The following RASSF3 variants were observed in gnomAD, a reference collection of about 807,000 sequenced individuals.
RASSF3 encodes the protein ras association domain-containing protein 3.
RASSF3 carries 19 observed loss-of-function variants against 19.9 expected under a neutral mutation model. That is an observed-to-expected ratio of 0.96 (90% CI 0.67 to 1.40). The LOEUF (loss-of-function observed/expected upper bound fraction) is 1.40, where lower values mean the gene tolerates loss of function less well. Ranked by LOEUF, RASSF3 falls within the 40% of genes most tolerant of loss-of-function variation. RASSF3 has a pLI of 0.00. For synonymous variants in RASSF3, 110 were observed against 104.2 expected (o/e 1.06, Z -0.34); for missense variants, 306 against 289.8 (o/e 1.06, Z -0.41).
chr12:64,534,784 T>C (rs1211181180), intron 1 of RASSF3, among the ~76,000 whole-genome samples: 1 of 152,188 alleles, frequency 6.6e-6, no homozygotes, highest in Non-Finnish European at 1.5e-5. Flanking sequence ...TGCTTGTTTG[T>C]GGATAGCGAG....
intron 2 of RASSF3, among the ~76,000 whole-genome samples, chr12:64,559,238 C>CTTTCTTTCT (rs1565839002): frequency 2.0e-5 from 3 of 147,714 alleles, no homozygotes; most frequent in Non-Finnish European, 3.0e-5. Flanking sequence ...TTCTTTTCTT[C>CTTTCTTTCT]TTTTTTTCTT....
intron 1 of RASSF3, among the ~76,000 whole-genome samples, chr12:64,518,129 T>C (rs768218118): frequency 3.3e-5 from 5 of 152,144 alleles, no homozygotes; most frequent in Non-Finnish European, 4.4e-5. Flanking sequence ...AGATAAAAAA[T>C]TAATCATTCA....
At chr12:64,560,172 C>T (rs1271291065) in intron 2 of RASSF3, among the ~76,000 whole-genome samples, 2 of 152,236 alleles carry the variant, frequency 1.3e-5, no homozygotes, top group Non-Finnish European at 2.9e-5. Context: ...CAGATGCCCC[C>T]ATCCCATGTT....
At chr12:64,518,347 A>G (rs1868403593) in intron 1 of RASSF3, among the ~76,000 whole-genome samples, 1 of 152,204 alleles carries the variant, frequency 6.6e-6, no homozygotes. Flanking sequence ...TGCAGACTGT[A>G]TAGGAAGCAT....
downstream of RASSF3, among the ~76,000 whole-genome samples, chr12:64,542,647 T>C (rs1008459275): frequency 3.9e-5 from 6 of 152,184 alleles, no homozygotes; most frequent in African/African-American, 1.4e-4. Flanking sequence ...CCCAACACTT[T>C]GGGAGGCCGA....
chr12:64,654,651 GGGGGGT>G (rs1383070810), intron 1 of RASSF3: 5 of 54,264 alleles, frequency 9.2e-5, no homozygotes, highest in African/African-American at 4.2e-4. Flanking sequence ...TGCGGGGGGG[GGGGGGT>G]GGGGGGAAGC....
chr12:64,618,296 T>C (rs12315116), intron 1 of RASSF3, among the ~76,000 whole-genome samples: 10,236 of 152,144 alleles, frequency 0.067, 973 homozygotes, highest in African/African-American at 0.21. Context: ...TGGCTATCAG[T>C]AGTGTTGTCA....
intron 1 of RASSF3, among the ~76,000 whole-genome samples, chr12:64,676,605 A>G (rs1488708164): frequency 1.1e-4 from 15 of 142,102 alleles, no homozygotes; most frequent in Admixed American, 3.6e-4. Flanking sequence ...ACAAGTAGCT[A>G]GGATTACAGG....
chr12:64,644,792 C>A (rs1427101264), intron 1 of RASSF3, among the ~76,000 whole-genome samples: 1 of 152,108 alleles, frequency 6.6e-6, no homozygotes, highest in Non-Finnish European at 1.5e-5. Flanking sequence ...GATACATATG[C>A]CATGTTTATC....
intron 2 of RASSF3, among the ~76,000 whole-genome samples, chr12:64,553,815 A>G (rs1869205594): frequency 6.6e-6 from 1 of 152,114 alleles, no homozygotes; most frequent in Non-Finnish European, 1.5e-5. Flanking sequence ...TGTCTCTACA[A>G]GAAATACAAA....
intron 1 of RASSF3, among the ~76,000 whole-genome samples, chr12:64,619,759 A>G (rs1870680569): frequency 1.3e-5 from 2 of 152,190 alleles, no homozygotes; most frequent in South Asian, 4.2e-4. Context: ...AGGCGGGCGG[A>G]TCACGAGGTC....
chr12:64,664,269 G>C (rs1565865061), intron 1 of RASSF3, among the ~76,000 whole-genome samples: 1 of 152,176 alleles, frequency 6.6e-6, no homozygotes, highest in East Asian at 1.9e-4. Flanking sequence ...ATTTCACCAT[G>C]AAAAATCATA....
intron 2 of RASSF3, chr12:64,598,998 G>A (rs1345265121): frequency 1.3e-5 from 2 of 150,930 alleles, no homozygotes; most frequent in Non-Finnish European, 2.9e-5. Flanking sequence ...GTGATAAACA[G>A]TCCTTATTTA....
chr12:64,524,157 T>C (rs1436757019), intron 1 of RASSF3, among the ~76,000 whole-genome samples: 1 of 151,790 alleles, frequency 6.6e-6, no homozygotes, highest in Non-Finnish European at 1.5e-5. Context: ...GTTCAAGTGA[T>C]TCTTTTGCCT....
At chr12:64,544,103 T>A (rs757209045), downstream of RASSF3, among the ~76,000 whole-genome samples, 6 of 152,012 alleles carry the variant, frequency 3.9e-5, no homozygotes, top group Non-Finnish European at 5.9e-5. Context: ...CGCACAGTTC[T>A]TTAGGTGTTT....
At chr12:64,542,610 CCAAG>C (rs1318354405), downstream of RASSF3, among the ~76,000 whole-genome samples, 8 of 152,280 alleles carry the variant, frequency 5.3e-5, no homozygotes, top group East Asian at 1.5e-3. Context: ...ATTTTTTCGG[CCAAG>C]CACAGTGACT....
intron 2 of RASSF3, among the ~76,000 whole-genome samples, chr12:64,553,891 T>C (rs1321685465): frequency 6.7e-6 from 1 of 149,992 alleles, no homozygotes; most frequent in East Asian, 2.0e-4. Context: ...GTGGGAGGAT[T>C]CCCTGAGCCT....
intron 2 of RASSF3, among the ~76,000 whole-genome samples, chr12:64,594,164 C>G (rs993513983): frequency 6.6e-6 from 1 of 152,014 alleles, no homozygotes; most frequent in Non-Finnish European, 1.5e-5. Flanking sequence ...GAGACCCCAT[C>G]TCTACAAAAA....
At position 64,678,249 on chromosome 12, in the gene RASSF3, TTCTG is replaced by T. The variant is rs369246383; in HGVS notation, c.112-6532_112-6529del. On this transcript the variant is annotated intron_variant, in intron 1 of 4. Transcript: ENST00000542104. ...TATGCAATTCCTAGGCTAGAACCTG[TTCTG>T]TCTGTTATTGCACTGGGTATTGCAG... Among the ~76,000 whole-genome samples, 20 of 152,342 alleles carry T rather than the reference TTCTG, an allele frequency of 1.3e-4. No homozygotes were observed. The East Asian group carries it at 3.7e-3, about 28-fold the overall frequency.
Sources: allele counts gnomAD v4.1 joint callset (sites outside exome capture counted in the v4.1 genomes callset), GRCh38; gene constraint gnomAD v4.1.1; transcripts MANE v1.5; gene names NCBI Gene and HGNC (gene_info 2026-07-23, HGNC 2026-07-21).